The following CUL7 variants were observed in gnomAD, a reference collection of about 807,000 sequenced individuals.
CUL7 encodes cullin-7.
A neutral mutation model predicts 177.7 loss-of-function variants in CUL7; 96 were observed. The observed-to-expected ratio is 0.54, with a 90% CI of 0.46 to 0.64. The LOEUF is 0.64. Ranked by LOEUF, CUL7 falls within the 30% of genes least tolerant of loss-of-function variation. CUL7 has a pLI of 0.00. For missense variants in CUL7, 1,893 were observed against 2,187.9 expected, an observed-to-expected ratio of 0.87 and a Z score of 2.69; for synonymous variants, 824 against 890.2, an observed-to-expected ratio of 0.93 and a Z score of 1.32.
rs1382582817 is a variant in CUL7, at chr6:43,050,134, G to A, written c.1398C>T (p.Pro466=). 6.2e-7 allele frequency: 1 copy of A among 1,614,086 alleles called. No homozygotes were observed. Among genetic ancestry groups the A allele is most frequent in the African/African-American group, 1.3e-5 (1 of 74,936 alleles). Reference sequence around the variant, plus strand: ...AAGGCACAGCATAGAGTTCTGTCATGGGCCTCCAGCGCCAGGCAGGCAGGG... The same window carrying A: ...AAGGCACAGCATAGAGTTCTGTCATAGGCCTCCAGCGCCAGGCAGGCAGGG... ...GRALPAWRWR[P]MTELYAVPYV... The change falls in exon 6 of 26, where the codon CCC becomes CCT. Residue 466 remains proline, a synonymous_variant. Coordinates refer to ENST00000265348, the MANE Select transcript of CUL7 (RefSeq NM_014780.5). This position sits in a 1 kb window ranked among gnomAD's most constrained non-coding sequence, Gnocchi z 4.1.
rs1002448382 is a variant in CUL7 at position 43,049,812 on chromosome 6, C to T, written c.1570-150G>A. On this transcript the variant is annotated intron_variant, in intron 6 of 25. Transcript: ENST00000265348. ...AGCTGGCTCCTCCCAAACAGCTCAC[C>T]CTCCCACCTCTGAAAATTCCAGACC... is the stretch of plus-strand genomic sequence containing the variant. 21 of 1,346,254 alleles carry T rather than the reference C, an allele frequency of 1.6e-5. No homozygotes were observed. The Admixed American group carries it at 3.6e-4, about 23-fold the overall frequency. 83.4% of individuals were successfully genotyped at this position (1,346,254 alleles called of 1,614,324 possible). A position where few individuals can be genotyped will look rare whatever the true frequency, so the allele number is the denominator to read the frequency against.
chr6:43,053,729 T>TCGAGACGGAGAGACGGGAGGGGGC lies in CUL7; in HGVS notation c.-140_-117dup. The TCGAGACGGAGAGACGGGAGGGGGC allele has an allele frequency of 6.8e-7, 1 of 1,462,052 alleles. No individual in the cohort carries two copies. 90.6% of individuals were successfully genotyped at this position (1,462,052 alleles called of 1,614,324 possible). A position where few individuals can be genotyped will look rare whatever the true frequency, so the allele number is the denominator to read the frequency against. On this transcript the variant is annotated 5_prime_UTR_variant, in exon 1 of 26. Transcript: ENST00000265348. This position sits in a 1 kb window ranked among gnomAD's most constrained non-coding sequence, Gnocchi z 4.1. ...GCCCCACCTGGGCCCCGCGAGGGGG[T>TCGAGACGGAGAGACGGGAGGGGGC]CGAGACGGAGAGACGGGAGGGGGCG...
chr6:43,038,124 G>A, intron 25 of CUL7, 113 bp from the exon 26 acceptor site: 1 of 1,496,442 alleles, frequency 6.7e-7, no homozygotes, highest in Non-Finnish European at 9.1e-7. Context: ...AGGACACGAG[G>A]TACATCCCGA....
At position 43,040,228 on chromosome 6, in the gene CUL7, G is replaced by A. The variant is rs766030271; in HGVS notation, c.4222C>T (p.Leu1408=). Reference sequence around the variant, plus strand: ...GAGGGCAGGCAGGTTCTGGGGTTCAGTGTGTGGCAGATTGAGGCAACAGGC... The same window carrying A: ...GAGGGCAGGCAGGTTCTGGGGTTCAATGTGTGGCAGATTGAGGCAACAGGC... ...SWPVASICHT[L]NPRTCLPSYL... The change falls in exon 22 of 26, where the codon CTG becomes TTG. Residue 1408 remains leucine (L), a synonymous_variant. Transcript: ENST00000265348. The surrounding 1 kb of genome is among the most constrained non-coding windows in gnomAD (Gnocchi z 4.2). 1.2e-6 allele frequency: 2 copies of A among 1,614,198 alleles called. No individual in the cohort carries two copies. The highest frequency in any genetic ancestry group is 2.2e-5 in the East Asian group (1 of 44,880).
chr6:43,045,835 C>G lies in CUL7; in HGVS notation c.2766+151G>C, dbSNP rs565955869. On this transcript the variant is annotated intron_variant, in intron 13 of 25. Transcript: ENST00000265348. This position sits in a 1 kb window ranked among gnomAD's most constrained non-coding sequence, Gnocchi z 4.8. The stretch of plus-strand genomic sequence containing the variant: ...CTCATGCCACCCTCATTGTTCAGGG[C>G]CTGGTGGCACAAGCACAGGGATAAA... 770 of 1,074,412 alleles carry G rather than the reference C, an allele frequency of 7.2e-4. 1 individual carries two copies. Among genetic ancestry groups the G allele is most frequent in the Non-Finnish European group, 1.0e-3 (721 of 710,410 alleles). 66.6% of individuals were successfully genotyped at this position (1,074,412 alleles called of 1,614,324 possible).
chr6:43,053,551 G>C lies in CUL7; in HGVS notation c.-9+71C>G. Reference sequence around the variant, plus strand: ...ACGGTAGGATGGGGACCGAGGTTGGGTGAGCGCGAGGCTCGATGGGCTAGT... The same window carrying C: ...ACGGTAGGATGGGGACCGAGGTTGGCTGAGCGCGAGGCTCGATGGGCTAGT... On this transcript the variant is annotated intron_variant, in intron 1 of 25. Coordinates refer to ENST00000265348, the MANE Select transcript of CUL7 (RefSeq NM_014780.5). The surrounding 1 kb of genome is among the most constrained non-coding windows in gnomAD (Gnocchi z 4.1). 3 of 1,093,826 alleles carry C rather than the reference G, an allele frequency of 2.7e-6. No homozygotes were observed. The highest frequency in any genetic ancestry group is 3.6e-6 in the Non-Finnish European group (3 of 828,044). 67.8% of individuals were successfully genotyped at this position (1,093,826 alleles called of 1,614,324 possible). A position where few individuals can be genotyped will look rare whatever the true frequency, so the allele number is the denominator to read the frequency against.
In CUL7 at chr6:43,053,821, C is replaced by G; in HGVS notation, c.-208G>C. On this transcript the variant is annotated 5_prime_UTR_variant, in exon 1 of 26. Coordinates refer to ENST00000265348, the MANE Select transcript of CUL7 (RefSeq NM_014780.5). The surrounding 1 kb of genome is among the most constrained non-coding windows in gnomAD (Gnocchi z 4.1). Reference sequence around the variant, plus strand: ...CACTGGGGCAGGGTGGGGCCCGGTCCCTGCCAGCGGCTCCGCCAGCCAAAA... The same window carrying G: ...CACTGGGGCAGGGTGGGGCCCGGTCGCTGCCAGCGGCTCCGCCAGCCAAAA... 1.3e-6 allele frequency: 2 copies of G among 1,532,996 alleles called. No individual in the cohort carries two copies. Among genetic ancestry groups the G allele is most frequent in the Non-Finnish European group, 1.7e-6 (2 of 1,146,304 alleles). 95.0% of individuals were successfully genotyped at this position (1,532,996 alleles called of 1,614,324 possible). A position where few individuals can be genotyped will look rare whatever the true frequency, so the allele number is the denominator to read the frequency against.
rs1763841290 is a variant in CUL7 at position 43,045,689 on chromosome 6, G to A, written c.2767-7C>T. 1 of 1,614,024 alleles carries A rather than the reference G, an allele frequency of 6.2e-7. No individual in the cohort carries two copies. Among genetic ancestry groups the A allele is most frequent in the African/African-American group, 1.3e-5 (1 of 74,930 alleles). On this transcript the variant is annotated splice_region_variant and splice_polypyrimidine_tract_variant and intron_variant, in intron 13 of 25. Transcript: ENST00000265348. The surrounding 1 kb of genome is among the most constrained non-coding windows in gnomAD (Gnocchi z 4.8). The stretch of plus-strand genomic sequence containing the variant: ...CAGAGGGCATCACATTCACCTGGCA[G>A]GGGGCAGAGAAAGCTGTCACCTCCA...
chr6:43,044,975 C>T lies in CUL7; in HGVS notation c.3039-90G>A, dbSNP rs902854194. The T allele has an allele frequency of 3.2e-6, 5 of 1,568,450 alleles. No individual in the cohort carries two copies. In the African/African-American group the frequency reaches 6.7e-5, roughly 21 times the overall value. On this transcript the variant is annotated intron_variant, in intron 15 of 25. Coordinates refer to ENST00000265348, the MANE Select transcript of CUL7 (RefSeq NM_014780.5). Reference sequence around the variant, plus strand: ...CCTTCCTAAGACTGCCAGCTAACCCCAGCACCCAAACCGAAGGCCCCCTGG... The same window carrying T: ...CCTTCCTAAGACTGCCAGCTAACCCTAGCACCCAAACCGAAGGCCCCCTGG...
chr6:43,039,562 T>C (rs1447745854), intron 22 of CUL7, among the ~76,000 whole-genome samples: 1 of 152,042 alleles, frequency 6.6e-6, no homozygotes, highest in African/African-American at 2.4e-5. Flanking sequence ...GAAAAAGCAA[T>C]GGTCTGGGGA....
rs1763598087 is a variant in CUL7 at position 43,043,157 on chromosome 6, A to C, written c.3379T>G (p.Trp1127Gly). 1 of 1,614,020 alleles carries C rather than the reference A, an allele frequency of 6.2e-7. No homozygotes were observed. Among genetic ancestry groups the C allele is most frequent in the Non-Finnish European group, 8.5e-7 (1 of 1,179,958 alleles). ...RPKGRNRSHDWSSLATRGLPS... is the reference protein window; with the variant it reads ...RPKGRNRSHDGSSLATRGLPS... Reference sequence around the variant, plus strand: ...AGGCCCCGGGTAGCCAAGGAGCTCCAGTCGTGGCTTCTGTTTCTGCCTTCT... The same window carrying C: ...AGGCCCCGGGTAGCCAAGGAGCTCCCGTCGTGGCTTCTGTTTCTGCCTTCT... The change falls in exon 18 of 26, where the codon TGG becomes GGG. Residue 1127 changes from tryptophan to glycine, a missense_variant. Transcript: ENST00000265348. The surrounding 1 kb of genome is among the most constrained non-coding windows in gnomAD (Gnocchi z 4.2).
Position 43,051,056 on chromosome 6 carries a change from C to T in CUL7, c.1145G>A (p.Arg382Gln), listed in dbSNP as rs752634982. 2.1e-5 allele frequency: 34 copies of T among 1,614,102 alleles called. No individual in the cohort carries two copies. Among genetic ancestry groups the T allele is most frequent in the South Asian group, 1.1e-4 (10 of 91,096 alleles). Residue 382 changes from arginine (R) to glutamine (Q), a missense_variant, in exon 4 of 26, where the codon CGA becomes CAA. By Grantham distance (43) the Arg-to-Gln change is conservative (BLOSUM62 1). Coordinates refer to ENST00000265348, the MANE Select transcript of CUL7 (RefSeq NM_014780.5). This position sits in a 1 kb window ranked among gnomAD's most constrained non-coding sequence, Gnocchi z 5.0. Reference sequence around the variant, plus strand: ...CTCATAATCATCCAGCATCCGCACTCGCATCCCCGGCTGCAGTGTGTCCCG... The same window carrying T: ...CTCATAATCATCCAGCATCCGCACTTGCATCCCCGGCTGCAGTGTGTCCCG... ...YVRDTLQPGM[R>Q]VRMLDDYEEI...
At chr6:43,041,664 AGGGAAGGGAAGGGAAAGGAAG>A (rs1763422856) in intron 19 of CUL7, among the ~76,000 whole-genome samples, 1 of 144,016 alleles carries the variant, frequency 6.9e-6, no homozygotes, top group Admixed American at 7.1e-5. Flanking sequence ...AAAAGAGGGG[AGGGAAGGGAAGGGAAAGGAAG>A]GGGAAGGGAA....
rs1396164517 is a variant in CUL7 at position 43,046,887 on chromosome 6, C to T, written c.2390G>A (p.Cys797Tyr). The change falls in exon 10 of 26, where the codon TGC becomes TAC. Residue 797 changes from cysteine (C) to tyrosine (Y), a missense_variant. Cys to Tyr is a radical substitution (Grantham distance 194, BLOSUM62 -2). Coordinates refer to ENST00000265348, the MANE Select transcript of CUL7 (RefSeq NM_014780.5). Reference sequence around the variant, plus strand: ...GCTCCCCTTCCTCCTGACCTGGATGCAGCCTCCCAGGATGTTGGTGATGAG... The same window carrying T: ...GCTCCCCTTCCTCCTGACCTGGATGTAGCCTCCCAGGATGTTGGTGATGAG... ...RKLITNILGG[C>Y]IQMVLGQIED... 3 of 1,590,646 alleles carry T rather than the reference C, an allele frequency of 1.9e-6. No homozygotes were observed. Among genetic ancestry groups the T allele is most frequent in the Non-Finnish European group, 1.7e-6 (2 of 1,158,738 alleles).
In CUL7 at chr6:43,048,169, C is replaced by A; in HGVS notation, c.2148G>T (p.Arg716=). The change falls in exon 9 of 26, where the codon CGG becomes CGT. Residue 716 remains arginine, a synonymous_variant. Coordinates refer to ENST00000265348, the MANE Select transcript of CUL7 (RefSeq NM_014780.5). The part of the protein sequence containing the change: ...EAVDACMACL[R]SPNTDREVLQ... ...GTACCTCTCGATCAGTGTTTGGGGA[C>A]CGCAGGCAGGCCATGCAGGCATCCA... 6.2e-7 allele frequency: 1 copy of A among 1,613,202 alleles called. No homozygotes were observed.
rs764535454 is a variant in CUL7 at position 43,040,347 on chromosome 6, G to T, written c.4103C>A (p.Ala1368Glu). The change falls in exon 22 of 26, where the codon GCG becomes GAG. Residue 1368 changes from alanine (A) to glutamate (E), a missense_variant. Physicochemically the swap from Ala to Glu is moderately radical, Grantham distance 107 (BLOSUM62 -1). This residue lies in a region of CUL7 where 973 missense variants were observed against 1,140.9 expected (regional missense o/e 0.85). Coordinates refer to ENST00000265348, the MANE Select transcript of CUL7 (RefSeq NM_014780.5). The surrounding 1 kb of genome is among the most constrained non-coding windows in gnomAD (Gnocchi z 4.2). ...CTCCTCCTCTTCCTCCTCTCCCTCCGCCACATCCACCACTGCTGCTGCCCC... is the reference window on the plus strand; with the variant it reads ...CTCCTCCTCTTCCTCCTCTCCCTCCTCCACATCCACCACTGCTGCTGCCCC... ...EAGAAAVVDV[A>E]EGEEEEEENE... 1 of 1,613,396 alleles carries T rather than the reference G, an allele frequency of 6.2e-7. No individual in the cohort carries two copies. The highest frequency in any genetic ancestry group is 1.7e-5 in the Admixed American group (1 of 59,968).
chr6:43,038,756 G>C, intron 23 of CUL7, 64 bp from the exon 24 acceptor site: 1 of 1,612,484 alleles, frequency 6.2e-7, no homozygotes, highest in Non-Finnish European at 8.5e-7. Flanking sequence ...AGGATGGAGG[G>C]AAGAAGCAGA....
chr6:43,053,199 G>C lies in CUL7; in HGVS notation c.-8-403C>G, dbSNP rs953294173. Reference sequence around the variant, plus strand: ...GGGAGATCGTGAGTGTGTGTGAAAAGGGGTGCTGTCTCTAAGGATTGGAGC... The same window carrying C: ...GGGAGATCGTGAGTGTGTGTGAAAACGGGTGCTGTCTCTAAGGATTGGAGC... On this transcript the variant is annotated intron_variant, in intron 1 of 25. Coordinates refer to ENST00000265348, the MANE Select transcript of CUL7 (RefSeq NM_014780.5). This position sits in a 1 kb window ranked among gnomAD's most constrained non-coding sequence, Gnocchi z 4.1. Among the ~76,000 whole-genome samples, 13 of 152,178 alleles carry C rather than the reference G, an allele frequency of 8.5e-5. No homozygotes were observed. The highest frequency in any genetic ancestry group is 1.8e-4 in the Non-Finnish European group (12 of 68,036).
rs746287383 is a variant in CUL7, at chr6:43,051,170, G to A, written c.1031C>T (p.Ala344Val). The change falls in exon 4 of 26, where the codon GCT (alanine) becomes GTT (valine). Residue 344 changes from alanine to valine, a missense_variant. Ala to Val is a moderately conservative substitution (Grantham distance 64). This residue lies in a region of CUL7 where 653 missense variants were observed against 725.2 expected (regional missense o/e 0.90). Coordinates refer to ENST00000265348, the MANE Select transcript of CUL7 (RefSeq NM_014780.5). The surrounding 1 kb of genome is among the most constrained non-coding windows in gnomAD (Gnocchi z 5.0). ...QLADVSPGLP[A>V]AQAQPSFRRS... The stretch of plus-strand genomic sequence containing the variant: ...CCTGAAGGAGGGCTGAGCCTGGGCA[G>A]CGGGGAGCCCTGGGCTCACATCTGC... 2 of 1,614,224 alleles carry A rather than the reference G, an allele frequency of 1.2e-6. No individual in the cohort carries two copies. Among genetic ancestry groups the A allele is most frequent in the Non-Finnish European group, 1.7e-6 (2 of 1,180,042 alleles).
Sources: allele counts gnomAD v4.1 joint callset (sites outside exome capture counted in the v4.1 genomes callset), GRCh38; gene constraint gnomAD v4.1.1; regional missense constraint gnomAD v4.1.1; non-coding constraint Gnocchi (gnomAD v3.1); transcripts MANE v1.5; gene names NCBI Gene and HGNC (gene_info 2026-07-23, HGNC 2026-07-21).